PXMP2: variants seen among roughly 807,000 people sequenced by gnomAD.
PXMP2 encodes 22 kDa peroxisomal membrane protein.
PXMP2 carries 13 observed loss-of-function variants against 20.2 expected under a neutral mutation model. The ratio of observed to expected loss-of-function variants is 0.64; its 90% confidence interval spans 0.42 to 1.02. The LOEUF (loss-of-function observed/expected upper bound fraction) is 1.02. Ranked by LOEUF, PXMP2 falls within the 50% of genes least tolerant of loss-of-function variation. The pLI, the probability that PXMP2 is intolerant of heterozygous loss-of-function variation, is 0.00. For missense variants in PXMP2, 284 were observed against 251.8 expected (o/e 1.13, Z -0.87); for synonymous variants, 113 against 111.2 (o/e 1.02, Z -0.10).
intron 2 of PXMP2, among the ~76,000 whole-genome samples, chr12:132,692,300 G>A (rs1306033976): frequency 7.3e-6 from 1 of 137,206 alleles, no homozygotes. Flanking sequence ...GAGCTCCCTT[G>A]CCAGTTAATT....
At chr12:132,697,322 T>G (rs2043415924) in intron 3 of PXMP2, among the ~76,000 whole-genome samples, 1 of 147,830 alleles carries the variant, frequency 6.8e-6, no homozygotes, top group Non-Finnish European at 1.5e-5. Flanking sequence ...ATAAACACAT[T>G]AGTCTGTCAA....
chr12:132,689,526 T>C (rs1377503689), intron 1 of PXMP2, among the ~76,000 whole-genome samples: 1 of 152,114 alleles, frequency 6.6e-6, no homozygotes, highest in African/African-American at 2.4e-5. Context: ...AAGTGAACCC[T>C]GAGCAAGAGG....
chr12:132,692,284 G>C (rs2043373481), intron 2 of PXMP2, among the ~76,000 whole-genome samples: 1 of 145,528 alleles, frequency 6.9e-6, no homozygotes, highest in African/African-American at 2.6e-5. Context: ...TAGCCAGTTA[G>C]TTAGTGAGCT....
intron 4 of PXMP2, among the ~76,000 whole-genome samples, chr12:132,701,911 G>A (rs1345840537): frequency 3.3e-5 from 5 of 152,084 alleles, no homozygotes; most frequent in South Asian, 2.1e-4. Context: ...CCAACATAGC[G>A]AAACCCCATC....
At chr12:132,692,807 TAGCC>T (rs200177693) in intron 2 of PXMP2, among the ~76,000 whole-genome samples, 1 of 87,366 alleles carries the variant, frequency 1.1e-5, no homozygotes, top group Non-Finnish European at 2.6e-5. Flanking sequence ...TGAGCTCCCT[TAGCC>T]AGTTAGTTAG....
chr12:132,694,729 T>C (rs1174513471), intron 2 of PXMP2, among the ~76,000 whole-genome samples: 1 of 117,142 alleles, frequency 8.5e-6, no homozygotes, highest in Non-Finnish European at 1.9e-5. Flanking sequence ...GTGAGCTCCC[T>C]TGCCAGTTAG....
chr12:132,699,479 T>C (rs1283277727), intron 3 of PXMP2, among the ~76,000 whole-genome samples: 1 of 151,528 alleles, frequency 6.6e-6, no homozygotes, highest in Non-Finnish European at 1.5e-5. Flanking sequence ...GTTGTTTCAC[T>C]TGGGATAATG....
intron 2 of PXMP2, among the ~76,000 whole-genome samples, chr12:132,695,500 A>AG (rs2043405188): frequency 6.6e-6 from 1 of 152,158 alleles, no homozygotes. Context: ...CCTGCCTTCT[A>AG]GGGGGGACGA....
intron 3 of PXMP2, among the ~76,000 whole-genome samples, chr12:132,697,822 G>T (rs1388549137): frequency 6.6e-6 from 1 of 152,164 alleles, no homozygotes; most frequent in East Asian, 1.9e-4. Flanking sequence ...ACACAGAAGA[G>T]TTCCGGGCCT....
chr12:132,700,503 G>A (rs2043433186), intron 3 of PXMP2, among the ~76,000 whole-genome samples: 1 of 152,084 alleles, frequency 6.6e-6, no homozygotes, highest in South Asian at 2.1e-4. Flanking sequence ...TGTATCCGTT[G>A]CCCACTTTTT....
chr12:132,698,664 T>G (rs147724260), intron 3 of PXMP2, among the ~76,000 whole-genome samples: 1 of 152,214 alleles, frequency 6.6e-6, no homozygotes, highest in East Asian at 1.9e-4. Context: ...AGTCTCACTC[T>G]CGCCCAGGCT....
Position 132,696,493 on chromosome 12 carries a change from G to C in PXMP2, c.399+447G>C, listed in dbSNP as rs1402501453. Among the ~76,000 whole-genome samples the C allele has an allele frequency of 6.6e-6, 1 of 152,150 alleles. No homozygotes were observed. The highest frequency in any genetic ancestry group is 1.9e-4 in the East Asian group (1 of 5,198). The stretch of plus-strand genomic sequence containing the variant: ...ACTTGGACCTGCCATTAGAGGTCTT[G>C]TCACTGTGTAAAGAAAGAAACAGGC... On this transcript the variant is annotated intron_variant, in intron 3 of 4. Transcript: ENST00000317479. This position sits in a 1 kb window ranked among gnomAD's most constrained non-coding sequence, Gnocchi z 4.4.
At chr12:132,703,815 G>A (rs866834224) in intron 4 of PXMP2, among the ~76,000 whole-genome samples, 1 of 152,118 alleles carries the variant, frequency 6.6e-6, no homozygotes, top group Non-Finnish European at 1.5e-5. Flanking sequence ...TGTGACTGAA[G>A]AACAGTAGGC....
Position 132,687,692 on chromosome 12 carries a change from C to A in PXMP2, c.22C>A (p.Leu8Met). 1 of 1,186,998 alleles carries A rather than the reference C, an allele frequency of 8.4e-7. No individual in the cohort carries two copies. The allele number at this position is 1,186,998 out of a possible 1,614,324, so 73.5% of individuals were successfully genotyped here. Residue 8 changes from leucine to methionine, a missense_variant, in exon 1 of 5, where the codon CTG becomes ATG. Physicochemically the swap from Leu to Met is conservative, Grantham distance 15. Coordinates refer to ENST00000317479, the MANE Select transcript of PXMP2 (RefSeq NM_018663.3). ...GGCGATGGCGCCGGCCGCGTCCAGG[C>A]TGCGGGCCGAAGCCGGGCTCGGGGC... MAPAASRLRAEAGLGALP... is the reference protein window; with the variant it reads MAPAASRMRAEAGLGALP...
Position 132,704,758 on chromosome 12 carries a change from AAC to A in PXMP2, c.*72_*73del. 1 of 1,435,572 alleles carries A rather than the reference AAC, an allele frequency of 7.0e-7. No individual in the cohort carries two copies. The highest frequency in any genetic ancestry group is 9.8e-7 in the Non-Finnish European group (1 of 1,022,576). The allele number at this position is 1,435,572 out of a possible 1,614,324, so 88.9% of individuals were successfully genotyped here. On this transcript the variant is annotated 3_prime_UTR_variant, in exon 5 of 5. Coordinates refer to ENST00000317479, the MANE Select transcript of PXMP2 (RefSeq NM_018663.3). ...GGTCTCACCCGCCCAGCGAGAGCAG[AAC>A]CAATCCAGTCAGGATGTCACTGACT...
At chr12:132,702,533 T>C in intron 4 of PXMP2, 2 of 360,730 alleles carry the variant, frequency 5.5e-6, no homozygotes, top group Non-Finnish European at 5.6e-6. Context: ...TGGCAGAGCC[T>C]GCAGGGGCCA....
At chr12:132,704,054 C>T (rs530858011) in intron 4 of PXMP2, among the ~76,000 whole-genome samples, 11 of 152,246 alleles carry the variant, frequency 7.2e-5, no homozygotes, top group African/African-American at 2.4e-4. Flanking sequence ...AGTGACTGTG[C>T]GCCATGCTGC....
intron 3 of PXMP2, among the ~76,000 whole-genome samples, chr12:132,698,777 C>T (rs762941697): frequency 4.6e-5 from 7 of 152,096 alleles, no homozygotes; most frequent in Admixed American, 1.3e-4. Context: ...CAGGCGCCCA[C>T]CACCACGCCT....
At chr12:132,702,158 G>A (rs1593110146) in intron 4 of PXMP2, among the ~76,000 whole-genome samples, 1 of 152,264 alleles carries the variant, frequency 6.6e-6, no homozygotes, top group Non-Finnish European at 1.5e-5. Flanking sequence ...TTACAGCTGA[G>A]CCTGAAGGCA....
Sources: gnomAD v4.1 joint callset for allele counts (sites outside exome capture counted in the v4.1 genomes callset) on GRCh38, gnomAD v4.1.1 for gene constraint, Gnocchi (gnomAD v3.1) non-coding constraint, MANE v1.5 for transcripts, NCBI Gene and HGNC (gene_info 2026-07-23, HGNC 2026-07-21) for gene names.